Variants in LINGO1 observed in about 807,000 individuals in gnomAD.
LINGO1 encodes leucine rich repeat and Ig domain containing 1.
Under a neutral mutation model 37.3 loss-of-function variants are expected in LINGO1, and 11 were observed. The observed-to-expected ratio is 0.29, with a 90% CI of 0.19 to 0.49. LINGO1 has a LOEUF of 0.49. Among genes scored for constraint, LINGO1 ranks in the 20% least tolerant of loss-of-function variants. The probability of loss-of-function intolerance (pLI) is 0.99; values close to 1 mark genes in which losing one functional copy is unlikely to be tolerated. For missense variants in LINGO1, 585 were observed against 878.2 expected, an observed-to-expected ratio of 0.67 and a Z score of 4.22; for synonymous variants, 387 against 403.0, an observed-to-expected ratio of 0.96 and a Z score of 0.48.
At chr15:77,699,718 C>T (rs1386768407), upstream of LINGO1, among the ~76,000 whole-genome samples, 5 of 149,398 alleles carry the variant, frequency 3.3e-5, no homozygotes, top group African/African-American at 4.9e-5. Flanking sequence ...CATTCCCACA[C>T]ACAATAAGCA....
intron 1 of LINGO1, among the ~76,000 whole-genome samples, chr15:77,747,716 C>T (rs1222386310): frequency 1.3e-5 from 2 of 152,212 alleles, no homozygotes; most frequent in South Asian, 2.1e-4. Flanking sequence ...GGCGGGCCCC[C>T]GCCTCCAGAA....
intron 1 of LINGO1, among the ~76,000 whole-genome samples, chr15:77,779,052 C>A (rs950407159): frequency 6.6e-6 from 1 of 152,154 alleles, no homozygotes; most frequent in Admixed American, 6.5e-5. Flanking sequence ...CACCTGGATG[C>A]CCCTGTTTCC....
chr15:77,791,785 C>T (rs1435337784), upstream of LINGO1, among the ~76,000 whole-genome samples: 1 of 152,036 alleles, frequency 6.6e-6, no homozygotes, highest in Non-Finnish European at 1.5e-5. Context: ...TGACAGCAGC[C>T]GTGACAAGTG....
At chr15:77,745,558 G>GC (rs749982657) in intron 1 of LINGO1, among the ~76,000 whole-genome samples, 3 of 152,098 alleles carry the variant, frequency 2.0e-5, no homozygotes, top group Non-Finnish European at 2.9e-5. Context: ...CTATTCATTT[G>GC]CTGGAGACCA....
At position 77,714,591 on chromosome 15, in the gene LINGO1, C is replaced by T. The variant is rs571332756; in HGVS notation, c.-195+20401G>A. 3.3e-5 allele frequency among the ~76,000 whole-genome samples: 5 copies of T among 152,350 alleles called. No homozygotes were observed. The South Asian group carries it at 6.2e-4, about 19-fold the overall frequency. On this transcript the variant is annotated intron_variant, in intron 2 of 3. Transcript: ENST00000561686. Reference sequence around the variant, plus strand: ...TCTTACCAGCTGTCCCTATTCATCCCATCACTGCACCATTAGCATTCTCTG... The same window carrying T: ...TCTTACCAGCTGTCCCTATTCATCCTATCACTGCACCATTAGCATTCTCTG...
intron 1 of LINGO1, among the ~76,000 whole-genome samples, chr15:77,745,815 C>T (rs1337634193): frequency 6.6e-6 from 1 of 152,110 alleles, no homozygotes; most frequent in African/African-American, 2.4e-5. Flanking sequence ...TTCCGCATGC[C>T]TCTAGCAGGG....
At chr15:77,805,329 C>T (rs760228096) in intron 1 of LINGO1, among the ~76,000 whole-genome samples, 2 of 152,206 alleles carry the variant, frequency 1.3e-5, no homozygotes, top group Non-Finnish European at 2.9e-5. Context: ...GGCAGGGGTG[C>T]ACCATATGAC....
At chr15:77,767,009 CACA>C (rs2076536949) in intron 1 of LINGO1, among the ~76,000 whole-genome samples, 2 of 152,124 alleles carry the variant, frequency 1.3e-5, no homozygotes, top group Non-Finnish European at 2.9e-5. Flanking sequence ...CTCCAGGAAG[CACA>C]ACATCTGGTT....
chr15:77,735,857 C>T (rs1230492585), intron 1 of LINGO1, among the ~76,000 whole-genome samples: 3 of 152,230 alleles, frequency 2.0e-5, no homozygotes, highest in Non-Finnish European at 4.4e-5. Context: ...ACCACTCATA[C>T]ACACACATGC....
At chr15:77,638,539 C>T (rs1015195004), upstream of LINGO1, among the ~76,000 whole-genome samples, 1 of 152,216 alleles carries the variant, frequency 6.6e-6, no homozygotes, top group African/African-American at 2.4e-5. Context: ...GGAATTTGAG[C>T]TAATGTGTGC....
intron 1 of LINGO1, among the ~76,000 whole-genome samples, chr15:77,693,823 A>C (rs2075645692): frequency 6.6e-6 from 1 of 152,128 alleles, no homozygotes; most frequent in African/African-American, 2.4e-5. Flanking sequence ...AGAGTAATGA[A>C]GGAAGACTCG....
At chr15:77,758,449 C>A (rs2076442038) in intron 1 of LINGO1, among the ~76,000 whole-genome samples, 1 of 152,140 alleles carries the variant, frequency 6.6e-6, no homozygotes, top group Non-Finnish European at 1.5e-5. Context: ...GGCCCATCTG[C>A]AAGCTCTGAG....
At chr15:77,745,478 C>A (rs1312696647) in intron 1 of LINGO1, among the ~76,000 whole-genome samples, 1 of 152,040 alleles carries the variant, frequency 6.6e-6, no homozygotes, top group African/African-American at 2.4e-5. Flanking sequence ...AGCACCATTC[C>A]ATGTGTCCTG....
intron 1 of LINGO1, among the ~76,000 whole-genome samples, chr15:77,815,226 G>A (rs1191417243): frequency 2.0e-5 from 3 of 152,128 alleles, no homozygotes; most frequent in African/African-American, 4.8e-5. Context: ...TATGCTCTCC[G>A]ACAGCTGGAG....
At chr15:77,748,808 T>C (rs2076340205) in intron 1 of LINGO1, among the ~76,000 whole-genome samples, 1 of 151,942 alleles carries the variant, frequency 6.6e-6, no homozygotes, top group South Asian at 2.1e-4. Context: ...CTCAGCCTCT[T>C]GAAGTGCTGG....
intron 2 of LINGO1, among the ~76,000 whole-genome samples, chr15:77,677,894 C>T (rs1234282749): frequency 6.6e-6 from 1 of 152,210 alleles, no homozygotes; most frequent in Non-Finnish European, 1.5e-5. Context: ...CTCAGTGGCA[C>T]CCACCATGCC....
chr15:77,750,694 G>A (rs756998034), intron 1 of LINGO1, among the ~76,000 whole-genome samples: 1 of 152,194 alleles, frequency 6.6e-6, no homozygotes, highest in Admixed American at 6.5e-5. Context: ...TTGACACCCT[G>A]CACCACCTCC....
chr15:77,663,262 C>T lies in LINGO1; in HGVS notation c.-13+13827G>A, dbSNP rs571187268. Among the ~76,000 whole-genome samples the T allele has an allele frequency of 3.9e-4, 60 of 152,108 alleles. No individual in the cohort carries two copies. In the Middle Eastern group the frequency reaches 0.01, roughly 26 times the overall value. On this transcript the variant is annotated intron_variant, in intron 3 of 3. Transcript: ENST00000559893. ...GCGGTGCGAGGGCGGAAGAAGAAAG[C>T]GGCTTTGGTGTCTATCAGTGGTCGG...
chr15:77,717,070 C>T (rs759698465), intron 2 of LINGO1, among the ~76,000 whole-genome samples: 1 of 107,106 alleles, frequency 9.3e-6, no homozygotes, highest in African/African-American at 2.8e-5. Flanking sequence ...AAGCCTGAGC[C>T]GCGGGGTGCT....
Sources: gnomAD v4.1 joint callset for allele counts (sites outside exome capture counted in the v4.1 genomes callset) on GRCh38, gnomAD v4.1.1 for gene constraint, MANE v1.5 for transcripts, NCBI Gene and HGNC (gene_info 2026-07-23, HGNC 2026-07-21) for gene names.